Variants in TTC6 observed in about 807,000 individuals in gnomAD.
The protein encoded by TTC6 is tetratricopeptide repeat domain 6.
Under a neutral mutation model 210.4 loss-of-function variants are expected in TTC6, and 172 were observed. That is an observed-to-expected ratio of 0.82 (90% confidence interval 0.72 to 0.93). The LOEUF (loss-of-function observed/expected upper bound fraction) is 0.93, where lower values mean the gene tolerates loss of function less well. Among genes scored for constraint, TTC6 ranks in the 40% least tolerant of loss-of-function variants. TTC6 has a pLI of 0.00. For missense variants in TTC6, 2,414 were observed against 2,318.1 expected, an observed-to-expected ratio of 1.04 and a Z score of -0.85; for synonymous variants, 804 against 819.6, an observed-to-expected ratio of 0.98 and a Z score of 0.32.
chr14:37,789,944 A>T (rs1473135255), intron 15 of TTC6, among the ~76,000 whole-genome samples: 2 of 152,068 alleles, frequency 1.3e-5, no homozygotes, highest in African/African-American at 2.4e-5. Flanking sequence ...AGCTTTAAAG[A>T]TATCTGTCAA....
chr14:37,836,183 A>G (rs1417132093), intron 29 of TTC6, among the ~76,000 whole-genome samples: 1 of 152,200 alleles, frequency 6.6e-6, no homozygotes, highest in Non-Finnish European at 1.5e-5. Context: ...CTTGAATAGA[A>G]ATGTCAGAGT....
At chr14:37,838,980 A>C (rs1331082859) in intron 29 of TTC6, among the ~76,000 whole-genome samples, 1 of 152,224 alleles carries the variant, frequency 6.6e-6, no homozygotes, top group East Asian at 1.9e-4. Flanking sequence ...AAAGGACATG[A>C]ACCCATCCTT....
chr14:37,664,013 A>G (rs969574899), intron 1 of TTC6, among the ~76,000 whole-genome samples: 3 of 138,008 alleles, frequency 2.2e-5, no homozygotes, highest in African/African-American at 7.4e-5. Context: ...TGACCCAAAC[A>G]AATGGAGAAA....
intron 26 of TTC6, among the ~76,000 whole-genome samples, chr14:37,819,203 G>A (rs1366358625): frequency 6.6e-6 from 1 of 152,098 alleles, no homozygotes; most frequent in African/African-American, 2.4e-5. Flanking sequence ...CGAGTTCTAA[G>A]TTTTGCTGAA....
Position 37,599,365 on chromosome 14 carries a change from T to C in TTC6, c.-235+3357T>C, listed in dbSNP as rs540132314. Among the ~76,000 whole-genome samples, 390 of 152,346 alleles carry C rather than the reference T, an allele frequency of 2.6e-3. 3 individuals carry two copies. Among genetic ancestry groups the C allele is most frequent in the African/African-American group, 8.9e-3 (370 of 41,586 alleles). On this transcript the variant is annotated intron_variant, in intron 1 of 2. Transcript: ENST00000556845. ...CCACTTGACGGGCCTTTGCAGGCAG[T>C]TCTGTACAGAGTCCTAACCCGTAAC...
intron 3 of TTC6, among the ~76,000 whole-genome samples, chr14:37,696,200 G>GCC (rs1166031320): frequency 6.6e-4 from 101 of 152,118 alleles, no homozygotes; most frequent in African/African-American, 2.3e-3. Context: ...TTTTCCCAAG[G>GCC]AGGGCCTCCC....
chr14:37,683,021 G>A (rs569368374), intron 3 of TTC6, 57 bp downstream of exon 5: 4 of 1,492,216 alleles, frequency 2.7e-6, no homozygotes, highest in Admixed American at 4.0e-5. Context: ...AGGATGTGCA[G>A]GTGTGAAGAA....
chr14:37,660,319 T>C (rs34338696), intron 1 of TTC6, among the ~76,000 whole-genome samples: 8,684 of 152,162 alleles, frequency 0.057, 383 homozygotes, highest in Non-Finnish European at 0.089. Context: ...GCTGCACCTG[T>C]CAACCCATCA....
rs2095609325 is a variant in TTC6 at position 37,598,700 on chromosome 14, G to A, written c.-235+2692G>A. 6.6e-6 allele frequency among the ~76,000 whole-genome samples: 1 copy of A among 152,170 alleles called. No homozygotes were observed. The highest frequency in any genetic ancestry group is 1.9e-4 in the East Asian group (1 of 5,146). On this transcript the variant is annotated intron_variant, in intron 1 of 2. Coordinates refer to the TTC6 transcript ENST00000556845. This position sits in a 1 kb window ranked among gnomAD's most constrained non-coding sequence, Gnocchi z 4.9. ...CCGGGCCCAGACGGCGGCCTCTCGC[G>A]GCGACAGGGTCCTTCCTATTTAGCA... is the stretch of plus-strand genomic sequence containing the variant.
intron 5 of TTC6, among the ~76,000 whole-genome samples, chr14:37,710,106 G>A (rs1445108446): frequency 2.6e-5 from 4 of 152,114 alleles, no homozygotes; most frequent in African/African-American, 9.7e-5. Flanking sequence ...AAATTTCCCT[G>A]TATACATCTT....
intron 25 of TTC6, among the ~76,000 whole-genome samples, chr14:37,815,610 A>G (rs1300436755): frequency 6.6e-6 from 1 of 152,010 alleles, no homozygotes; most frequent in Non-Finnish European, 1.5e-5. Flanking sequence ...TACATCTCAT[A>G]TACCAGGGGT....
chr14:37,640,876 G>A (rs1382301235), intron 1 of TTC6, among the ~76,000 whole-genome samples: 1 of 152,118 alleles, frequency 6.6e-6, no homozygotes, highest in East Asian at 1.9e-4. Flanking sequence ...TACATTTTAA[G>A]GACTTGTCCA....
At position 37,749,701 on chromosome 14, in the gene TTC6, A is replaced by G. The variant is rs2095946142; in HGVS notation, c.2827-13A>G. 15 of 1,351,172 alleles carry G rather than the reference A, an allele frequency of 1.1e-5. No individual in the cohort carries two copies. The highest frequency in any genetic ancestry group is 1.3e-5 in the Non-Finnish European group (14 of 1,051,304). 83.7% of individuals were successfully genotyped at this position (1,351,172 alleles called of 1,614,324 possible). Reference sequence around the variant, plus strand: ...AAATCAACTTTAACTGAATTTTTACATATATTTTCTAGGTAATACTCTTGG... The same window carrying G: ...AAATCAACTTTAACTGAATTTTTACGTATATTTTCTAGGTAATACTCTTGG... On this transcript the variant is annotated splice_polypyrimidine_tract_variant and intron_variant, in intron 11 of 30. Transcript: ENST00000553443.
At chr14:37,810,341 T>C (rs1235399935) in intron 24 of TTC6, among the ~76,000 whole-genome samples, 1 of 152,220 alleles carries the variant, frequency 6.6e-6, no homozygotes, top group Non-Finnish European at 1.5e-5. Context: ...CATTGTATTG[T>C]TATCTCAGAT....
At chr14:37,746,164 A>G (rs1274494293) in intron 10 of TTC6, among the ~76,000 whole-genome samples, 1 of 152,148 alleles carries the variant, frequency 6.6e-6, no homozygotes, top group Admixed American at 6.5e-5. Flanking sequence ...TTACCACTCC[A>G]GGGTTCTATT....
At chr14:37,764,359 T>G (rs2095992583) in intron 14 of TTC6, among the ~76,000 whole-genome samples, 1 of 152,144 alleles carries the variant, frequency 6.6e-6, no homozygotes, top group Admixed American at 6.5e-5. Context: ...TATTCATAAT[T>G]GAAAGTGAGG....
intron 25 of TTC6, among the ~76,000 whole-genome samples, chr14:37,816,067 AAT>A (rs1414753290): frequency 9.4e-4 from 136 of 144,668 alleles, no homozygotes; most frequent in African/African-American, 3.3e-3. Context: ...AAAAAAAAAA[AAT>A]CCTCCTAGAG....
chr14:37,753,716 G>C (rs2095959150), intron 14 of TTC6, among the ~76,000 whole-genome samples: 1 of 150,692 alleles, frequency 6.6e-6, no homozygotes, highest in Non-Finnish European at 1.5e-5. Flanking sequence ...CTACAAGGCT[G>C]TGCTTCCACA....
At chr14:37,794,718 C>T (rs2096088352) in intron 17 of TTC6, among the ~76,000 whole-genome samples, 1 of 152,076 alleles carries the variant, frequency 6.6e-6, no homozygotes, top group Non-Finnish European at 1.5e-5. Context: ...ATATTACCCT[C>T]CTTTGCATGC....
Sources: allele counts gnomAD v4.1 joint callset (sites outside exome capture counted in the v4.1 genomes callset), GRCh38; gene constraint gnomAD v4.1.1; non-coding constraint Gnocchi (gnomAD v3.1); transcripts MANE v1.5; gene names NCBI Gene and HGNC (gene_info 2026-07-23, HGNC 2026-07-21).